BTBD2: variants seen among roughly 807,000 people sequenced by gnomAD.
BTBD2 encodes the protein BTB/POZ domain-containing protein 2.
BTBD2 carries 15 observed loss-of-function variants against 44.0 expected under a neutral mutation model. The observed-to-expected ratio is 0.34, with a 90% CI of 0.23 to 0.53. BTBD2 has a LOEUF of 0.53. Ranked by LOEUF, BTBD2 falls within the 20% of genes least tolerant of loss-of-function variation. BTBD2 has a pLI of 0.95. For synonymous variants in BTBD2, 443 were observed against 335.9 expected (o/e 1.32, Z -3.49); for missense variants, 657 against 746.4 (o/e 0.88, Z 1.39).
intron 1 of BTBD2, among the ~76,000 whole-genome samples, chr19:1,997,919 TTAAC>T (rs925846114): frequency 5.2e-4 from 79 of 152,332 alleles, no homozygotes; most frequent in African/African-American, 1.6e-3. Flanking sequence ...TATTCATTCA[TTAAC>T]TAATTTCCAT....
intron 1 of BTBD2, among the ~76,000 whole-genome samples, chr19:2,012,435 C>T (rs2145655706): frequency 1.3e-5 from 2 of 152,326 alleles, no homozygotes; most frequent in East Asian, 3.9e-4. Context: ...CAGGCGTGCG[C>T]CCCCGCACCC....
chr19:2,007,948 G>A (rs2016415597), intron 1 of BTBD2, among the ~76,000 whole-genome samples: 1 of 151,914 alleles, frequency 6.6e-6, no homozygotes, highest in South Asian at 2.1e-4. Context: ...TGGACAGATG[G>A]GTGGATGTGG....
chr19:2,009,016 T>C (rs2016428642), intron 1 of BTBD2, among the ~76,000 whole-genome samples: 1 of 128,536 alleles, frequency 7.8e-6, no homozygotes. Context: ...CAGAACACAC[T>C]GTTCTTTTTT....
intron 1 of BTBD2, among the ~76,000 whole-genome samples, chr19:2,012,587 A>G (rs1172844978): frequency 6.6e-6 from 1 of 152,178 alleles, no homozygotes; most frequent in Admixed American, 6.5e-5. Flanking sequence ...GTGGGAGTCA[A>G]AAGTTGTACT....
chr19:2,015,635 C>T lies in BTBD2; in HGVS notation c.69G>A (p.Gly23=). 2.0e-6 allele frequency: 2 copies of T among 985,758 alleles called. No homozygotes were observed. Among genetic ancestry groups the T allele is most frequent in the Non-Finnish European group, 2.4e-6 (2 of 833,340 alleles). 61.1% of individuals were successfully genotyped at this position (985,758 alleles called of 1,614,324 possible). The change falls in exon 1 of 9, where the codon GGG becomes GGA. Residue 23 remains glycine, a synonymous_variant. Transcript: ENST00000255608. ...CGTTGGCGCTGGGCCCGGGACTGCC[C>T]CCCGTGCCCGGGCCGACCCCGACCC... ...PPGVGVGPGT[G]GSPGPSANAA... is the part of the protein sequence containing the mutation.
At chr19:1,999,693 G>A (rs904864177) in intron 1 of BTBD2, among the ~76,000 whole-genome samples, 10 of 151,802 alleles carry the variant, frequency 6.6e-5, no homozygotes, top group African/African-American at 2.2e-4. Context: ...AGGTGCAGTG[G>A]CTCACGCCTG....
intron 1 of BTBD2, 152 bp downstream of exon 1, chr19:2,015,145 G>C: frequency 8.1e-7 from 1 of 1,238,906 alleles, no homozygotes; most frequent in Non-Finnish European, 1.1e-6. Flanking sequence ...AGGATGCAGG[G>C]GTGCAGGGGT....
chr19:2,007,831 A>AAATAAT (rs60436307), intron 1 of BTBD2, among the ~76,000 whole-genome samples: 30,727 of 151,672 alleles, frequency 0.2, 3,520 homozygotes, highest in East Asian at 0.3. Flanking sequence ...CTGTCTCAAA[A>AAATAAT]AATAATAAAA....
At position 2,015,455 on chromosome 19, in the gene BTBD2, C is replaced by T. The variant is rs1290968479; in HGVS notation, c.249G>A (p.Pro83=). ...CCTCGCGCTGCAGCGCCGCCGCCCC[C>T]GGGCCCGCCGCCTCCTCCGCCCGCT... ...GAERAEEAAG[P]GAAALQREAA... is the part of the protein sequence containing the mutation. Residue 83 remains proline (P), a synonymous_variant, in exon 1 of 9, where the codon CCG becomes CCA. Coordinates refer to ENST00000255608, the MANE Select transcript of BTBD2 (RefSeq NM_017797.4). 2.2e-6 allele frequency: 3 copies of T among 1,382,024 alleles called. No homozygotes were observed. Among genetic ancestry groups the T allele is most frequent in the East Asian group, 3.1e-5 (1 of 32,190 alleles). The allele number at this position is 1,382,024 out of a possible 1,614,324, so 85.6% of individuals were successfully genotyped here.
intron 6 of BTBD2, 110 bp from the exon 7 acceptor site, chr19:1,987,363 ACCCCCATGCCCGGCGGCCCCCCCG>A: frequency 3.3e-6 from 3 of 911,552 alleles, no homozygotes; most frequent in South Asian, 3.1e-5. Context: ...TGAGTCCTCC[ACCCCCATGCCCGGCGGCCCCCCCG>A]CCGTCTTCAT....
chr19:1,986,679 A>G (rs2016088682), intron 8 of BTBD2, 30 bp from the exon 9 acceptor site: 1 of 1,607,780 alleles, frequency 6.2e-7, no homozygotes, highest in East Asian at 2.2e-5. Flanking sequence ...AGTGAGGTCA[A>G]GGACCACCAG....
chr19:2,012,898 C>G (rs2016485308), intron 1 of BTBD2, among the ~76,000 whole-genome samples: 1 of 152,176 alleles, frequency 6.6e-6, no homozygotes, highest in South Asian at 2.1e-4. Flanking sequence ...GATTCTCCAG[C>G]TGCACCTGCT....
At chr19:2,011,893 C>T (rs887431729) in intron 1 of BTBD2, among the ~76,000 whole-genome samples, 13 of 151,724 alleles carry the variant, frequency 8.6e-5, no homozygotes, top group Admixed American at 3.9e-4. Context: ...CTTGCTCTGT[C>T]GCCCAGGCTG....
chr19:2,012,393 G>T (rs1287812268), intron 1 of BTBD2, among the ~76,000 whole-genome samples: 3 of 151,778 alleles, frequency 2.0e-5, no homozygotes, highest in Non-Finnish European at 2.9e-5. Flanking sequence ...CTCGTGATCT[G>T]CCCGCCTCGG....
intron 1 of BTBD2, among the ~76,000 whole-genome samples, chr19:2,012,723 C>T (rs1190313598): frequency 2.0e-5 from 3 of 152,292 alleles, no homozygotes; most frequent in East Asian, 1.9e-4. Flanking sequence ...CTGAGCCCCC[C>T]GGGGGCAGAC....
Position 1,993,028 on chromosome 19 carries a change from G to T in BTBD2, c.676C>A (p.Leu226Ile). 6.3e-7 allele frequency: 1 copy of T among 1,590,540 alleles called. No individual in the cohort carries two copies. The highest frequency in any genetic ancestry group is 1.1e-5 in the South Asian group (1 of 89,256). ...GTACCGGCCCCGCCCACCTGCGTGA[G>T]CAGCATGAAGGCGTTGTCGGCTCGC... Reference protein sequence around the residue: ...NLRADNAFMLLTQARLFDEPQ... With the variant: ...NLRADNAFMLITQARLFDEPQ... Residue 226 changes from leucine (L) to isoleucine (I), a missense_variant, in exon 3 of 9, where the codon CTC becomes ATC. Around this residue, in one of 3 missense-constraint regions of BTBD2, gnomAD observed 449 missense variants for 510.9 expected, o/e 0.88. Coordinates refer to ENST00000255608, the MANE Select transcript of BTBD2 (RefSeq NM_017797.4).
chr19:2,009,510 T>G (rs1384979519), intron 1 of BTBD2, among the ~76,000 whole-genome samples: 1 of 148,566 alleles, frequency 6.7e-6, no homozygotes, highest in Non-Finnish European at 1.5e-5. Flanking sequence ...ATTGTTCTAC[T>G]TCTAGACCTC....
At chr19:1,996,325 T>C (rs1463483963) in intron 2 of BTBD2, among the ~76,000 whole-genome samples, 1 of 152,104 alleles carries the variant, frequency 6.6e-6, no homozygotes, top group Non-Finnish European at 1.5e-5. Flanking sequence ...ATAGTTTTTC[T>C]ATTTTTGCAA....
In BTBD2 at chr19:1,990,710, C is replaced by T. The variant is rs1266321911; in HGVS notation, c.790+7G>A. 9 of 1,591,012 alleles carry T rather than the reference C, an allele frequency of 5.7e-6. No individual in the cohort carries two copies. The African/African-American group carries it at 1.1e-4, about 19-fold the overall frequency. ...GGATTCCCACACCTGGGCTCCTGGG[C>T]CCTTACCCAGGTCAATGTCGGTGAA... is the stretch of plus-strand genomic sequence containing the variant. On this transcript the variant is annotated splice_region_variant and intron_variant, in intron 4 of 8. Coordinates refer to ENST00000255608, the MANE Select transcript of BTBD2 (RefSeq NM_017797.4).
Sources: allele counts gnomAD v4.1 joint callset (sites outside exome capture counted in the v4.1 genomes callset), GRCh38; gene constraint gnomAD v4.1.1; regional missense constraint gnomAD v4.1.1; transcripts MANE v1.5; gene names NCBI Gene and HGNC (gene_info 2026-07-23, HGNC 2026-07-21).